Variants in TRAF3 observed in about 807,000 individuals in gnomAD.
TRAF3 encodes TNF receptor-associated factor 3.
TRAF3 carries 13 observed loss-of-function variants against 62.3 expected under a neutral mutation model. That is an observed-to-expected ratio of 0.21 (90% CI 0.14 to 0.33). The LOEUF is 0.33. Ranked by LOEUF, TRAF3 falls within the 10% of genes least tolerant of loss-of-function variation. The pLI, the probability that TRAF3 is intolerant of heterozygous loss-of-function variation, is 1.00. For missense variants in TRAF3, 440 were observed against 741.8 expected (o/e 0.59, Z 4.73); for synonymous variants, 269 against 283.4 (o/e 0.95, Z 0.51).
rs181991201 is a variant in TRAF3 at position 102,809,864 on chromosome 14, A to G, written c.-156-20470A>G. The stretch of plus-strand genomic sequence containing the variant: ...GACTTTTAAAGACCATGTAGGCAAG[A>G]ACAGATCTTTAAAGGGAAACCTCAG... On this transcript the variant is annotated intron_variant, in intron 1 of 11. Coordinates refer to ENST00000392745, the MANE Select transcript of TRAF3 (RefSeq NM_145725.3). Among the ~76,000 whole-genome samples, 52 of 152,300 alleles carry G rather than the reference A, an allele frequency of 3.4e-4. No individual in the cohort carries two copies. In the East Asian group the frequency reaches 0.01, roughly 29 times the overall value.
At chr14:102,784,896 G>A (rs1041603355) in intron 1 of TRAF3, among the ~76,000 whole-genome samples, 1 of 152,124 alleles carries the variant, frequency 6.6e-6, no homozygotes, top group African/African-American at 2.4e-5. Context: ...CCCGTGAGTC[G>A]GAAGGGGTTC....
At chr14:102,892,664 T>C (rs1889788999) in intron 9 of TRAF3, among the ~76,000 whole-genome samples, 1 of 152,260 alleles carries the variant, frequency 6.6e-6, no homozygotes, top group African/African-American at 2.4e-5. Flanking sequence ...TTGAGTTTCG[T>C]AAAGATTTGA....
chr14:102,889,284 A>T (rs1889576163), intron 7 of TRAF3, among the ~76,000 whole-genome samples: 2 of 152,224 alleles, frequency 1.3e-5, no homozygotes, highest in Admixed American at 1.3e-4. Context: ...CTGGCACTAC[A>T]GATGGCATGT....
chr14:102,850,339 T>G (rs1183354735), intron 2 of TRAF3, among the ~76,000 whole-genome samples: 1 of 152,142 alleles, frequency 6.6e-6, no homozygotes, highest in Non-Finnish European at 1.5e-5. Context: ...AATTCATGTC[T>G]AAGACTGTAG....
intron 1 of TRAF3, among the ~76,000 whole-genome samples, chr14:102,799,341 CA>C (rs921828003): frequency 2.0e-5 from 3 of 152,220 alleles, no homozygotes; most frequent in African/African-American, 7.2e-5. Context: ...GAGCATAATT[CA>C]GAATACACAG....
At chr14:102,888,219 G>C (rs1186540328) in intron 7 of TRAF3, among the ~76,000 whole-genome samples, 1 of 152,238 alleles carries the variant, frequency 6.6e-6, no homozygotes, top group African/African-American at 2.4e-5. Flanking sequence ...GTTCTGCGCA[G>C]TCTTCACACT....
intron 1 of TRAF3, among the ~76,000 whole-genome samples, chr14:102,793,313 G>A (rs1351492126): frequency 1.3e-5 from 2 of 151,866 alleles, no homozygotes; most frequent in African/African-American, 4.8e-5. Context: ...ACCACACCCA[G>A]CAAGTTTTGT....
rs1247749337 is a variant in TRAF3 at position 102,910,751 on chromosome 14, CTG to C, written c.*4971_*4972del. 1.3e-5 allele frequency: 2 copies of C among 152,298 alleles called. No homozygotes were observed. The highest frequency in any genetic ancestry group is 4.8e-5 in the African/African-American group (2 of 41,462). 9.4% of individuals were successfully genotyped at this position (152,298 alleles called of 1,614,324 possible). On this transcript the variant is annotated 3_prime_UTR_variant, in exon 12 of 12. Coordinates refer to ENST00000392745, the MANE Select transcript of TRAF3 (RefSeq NM_145725.3). The stretch of plus-strand genomic sequence containing the variant: ...CCTGCGTTTCATTTCTCCTGCTGCA[CTG>C]TGTCTAGTCTGTCTTGTGAACTCTC...
intron 1 of TRAF3, among the ~76,000 whole-genome samples, chr14:102,811,913 C>CCTTTTTTTTT (rs1381571409): frequency 3.2e-4 from 15 of 47,090 alleles, no homozygotes; most frequent in Admixed American, 6.9e-4. Context: ...ATGCCTGGCC[C>CCTTTTTTTTT]TTTTTTTTTT....
At chr14:102,838,700 A>G (rs913561411) in intron 2 of TRAF3, among the ~76,000 whole-genome samples, 2 of 151,884 alleles carry the variant, frequency 1.3e-5, no homozygotes, top group South Asian at 2.1e-4. Flanking sequence ...TTGCAAGTCC[A>G]CTCCTGGTGA....
chr14:102,859,329 G>C (rs1887556081), intron 2 of TRAF3, among the ~76,000 whole-genome samples: 1 of 152,130 alleles, frequency 6.6e-6, no homozygotes, highest in Non-Finnish European at 1.5e-5. Flanking sequence ...ACTCTTAGCA[G>C]TGTTTATTTT....
At chr14:102,863,901 C>G (rs1031937774) in intron 2 of TRAF3, among the ~76,000 whole-genome samples, 1 of 152,180 alleles carries the variant, frequency 6.6e-6, no homozygotes, top group African/African-American at 2.4e-5. Flanking sequence ...AACTGCAGTT[C>G]TTTGCCGATG....
intron 9 of TRAF3, among the ~76,000 whole-genome samples, chr14:102,891,769 CTG>C (rs1889729697): frequency 6.6e-6 from 1 of 151,902 alleles, no homozygotes; most frequent in Non-Finnish European, 1.5e-5. Context: ...TCTGTGTTGT[CTG>C]TGGCTTCTTT....
In TRAF3 at chr14:102,823,654, G is replaced by C. The variant is rs2139592301; in HGVS notation, c.-156-6680G>C. Among the ~76,000 whole-genome samples, 2 of 152,284 alleles carry C rather than the reference G, an allele frequency of 1.3e-5. 1 individual carries two copies. Among genetic ancestry groups the C allele is most frequent in the South Asian group, 4.1e-4 (2 of 4,828 alleles). ...AACGTTTTCTTGTTGTTTTTTAATT[G>C]ATTGGGTGACCTGCATCTCATTAAG... On this transcript the variant is annotated intron_variant, in intron 1 of 11. Coordinates refer to ENST00000392745, the MANE Select transcript of TRAF3 (RefSeq NM_145725.3).
At chr14:102,793,975 A>G (rs1213956256) in intron 1 of TRAF3, among the ~76,000 whole-genome samples, 1 of 152,184 alleles carries the variant, frequency 6.6e-6, no homozygotes, top group Non-Finnish European at 1.5e-5. Flanking sequence ...TGGTCCAGTC[A>G]TGAGGGTCCA....
chr14:102,873,898 AGAGCAACAGGCAG>A, intron 4 of TRAF3, among the ~76,000 whole-genome samples: 1 of 152,210 alleles, frequency 6.6e-6, no homozygotes, highest in Non-Finnish European at 1.5e-5. Context: ...CCACTTTCAT[AGAGCAACAGGCAG>A]GAGTTTCTTA....
At chr14:102,862,200 A>T (rs10151792) in intron 2 of TRAF3, among the ~76,000 whole-genome samples, 6,145 of 152,120 alleles carry the variant, frequency 0.04, 405 homozygotes, top group African/African-American at 0.14. Context: ...TGGGGATCTC[A>T]TTCATTTTTG....
At chr14:102,895,068 T>A (rs1281615094) in intron 9 of TRAF3, 1 of 455,890 alleles carries the variant, frequency 2.2e-6, no homozygotes, top group Non-Finnish European at 4.4e-6. Context: ...GTCATCTTTT[T>A]GCAGGGATAT....
At chr14:102,862,964 AT>A (rs1435294749) in intron 2 of TRAF3, among the ~76,000 whole-genome samples, 1 of 151,076 alleles carries the variant, frequency 6.6e-6, no homozygotes, top group African/African-American at 2.4e-5. Context: ...TTTTTAAACT[AT>A]TTTTTTCTTT....
Sources: gnomAD v4.1 joint callset for allele counts (sites outside exome capture counted in the v4.1 genomes callset) on GRCh38, gnomAD v4.1.1 for gene constraint, MANE v1.5 for transcripts, NCBI Gene and HGNC (gene_info 2026-07-23, HGNC 2026-07-21) for gene names.